Variants in BLTP1 observed in about 807,000 individuals in gnomAD.
BLTP1 encodes bridge-like lipid transfer protein family member 1.
chr4:122,197,168 A>G, the BLTP1 span: 2 of 911,118 alleles, frequency 2.2e-6, no homozygotes, highest in Non-Finnish European at 1.7e-6. Context: ...TTAATGTTTT[A>G]TATGAATTAA....
At chr4:122,252,068 A>G in the BLTP1 span, among the ~76,000 whole-genome samples, 1 of 152,152 alleles carries the variant, frequency 6.6e-6, no homozygotes, top group South Asian at 2.1e-4. Context: ...AACCCACTGC[A>G]TTGAAGGAAA....
chr4:122,292,087 C>T, the BLTP1 span, among the ~76,000 whole-genome samples: 4 of 151,456 alleles, frequency 2.6e-5, no homozygotes, highest in Non-Finnish European at 5.9e-5. Context: ...TCTCCTGCCT[C>T]AGCCTCCCAA....
At chr4:122,184,774 G>A in the BLTP1 span, 1 of 985,286 alleles carries the variant, frequency 1.0e-6, no homozygotes, top group South Asian at 4.7e-5. Flanking sequence ...AGCCACACAT[G>A]AGAAACTGCA....
At chr4:122,187,627 G>T in the BLTP1 span, 1 of 1,073,538 alleles carries the variant, frequency 9.3e-7, no homozygotes, top group Non-Finnish European at 1.3e-6. Flanking sequence ...GTTTTTTTTA[G>T]TTCCCATTTC....
chr4:122,200,984 C>T, the BLTP1 span: 1 of 1,600,620 alleles, frequency 6.2e-7, no homozygotes, highest in Non-Finnish European at 8.5e-7. Flanking sequence ...GCCTTAATTA[C>T]TTTTACCTAA....
At chr4:122,167,569 C>T in the BLTP1 span, 1 of 688,574 alleles carries the variant, frequency 1.5e-6, no homozygotes, top group Non-Finnish European at 1.8e-6. Context: ...CCTCCTGCCC[C>T]TACTGGCCAT....
the BLTP1 span, chr4:122,175,436 ATTG>A: frequency 8.0e-6 from 2 of 249,104 alleles, no homozygotes; most frequent in African/African-American, 4.6e-5. Context: ...GATTTGGCTT[ATTG>A]TTACATAATT....
chr4:122,195,747 T>G, the BLTP1 span: 1 of 531,050 alleles, frequency 1.9e-6, no homozygotes, highest in African/African-American at 2.0e-5. Context: ...CTTAAAACAT[T>G]TGCAGAACTT....
chr4:122,278,640 T>G, the BLTP1 span, among the ~76,000 whole-genome samples: 1 of 152,166 alleles, frequency 6.6e-6, no homozygotes, highest in South Asian at 2.1e-4. Flanking sequence ...TGCCATGACC[T>G]TTGCTTTTGA....
chr4:122,299,629 TA>T, the BLTP1 span: 1 of 175,708 alleles, frequency 5.7e-6, no homozygotes, highest in Non-Finnish European at 1.1e-5. Context: ...AAGCATAATG[TA>T]AGACAGTGGA....
the BLTP1 span, chr4:122,293,244 C>T: frequency 2.3e-4 from 202 of 887,406 alleles, no homozygotes; most frequent in African/African-American, 2.4e-3. Context: ...AAAAGTAGGA[C>T]GGTAGAAGCA....
At chr4:122,275,698 G>A in the BLTP1 span, among the ~76,000 whole-genome samples, 74 of 151,872 alleles carry the variant, frequency 4.9e-4, no homozygotes, top group Admixed American at 1.0e-3. Context: ...TTTCCCCCAA[G>A]TAAAGATCCC....
chr4:122,225,090 T>C, the BLTP1 span: 47 of 851,470 alleles, frequency 5.5e-5, no homozygotes, highest in East Asian at 3.9e-3. Context: ...TAAAGTAGGA[T>C]TTGAAAGTAG....
the BLTP1 span, chr4:122,185,914 T>C: frequency 1.4e-6 from 1 of 735,254 alleles, no homozygotes. Flanking sequence ...TATGCTTCTC[T>C]GTATCATGGA....
the BLTP1 span, chr4:122,185,228 T>G: frequency 1.0e-6 from 1 of 981,550 alleles, no homozygotes; most frequent in South Asian, 4.7e-5. Flanking sequence ...CATAGTTTTC[T>G]AAAACATCTG....
chr4:122,355,553 T>C, the BLTP1 span, among the ~76,000 whole-genome samples: 2 of 148,084 alleles, frequency 1.4e-5, no homozygotes, highest in Non-Finnish European at 3.0e-5. Flanking sequence ...ATACTACATA[T>C]ATATCTATAT....
chr4:122,230,510 G>A, the BLTP1 span, among the ~76,000 whole-genome samples: 1 of 152,112 alleles, frequency 6.6e-6, no homozygotes, highest in Non-Finnish European at 1.5e-5. Context: ...ATAACGTTTT[G>A]TAAAGTACTA....
the BLTP1 span, chr4:122,301,379 C>T: frequency 1.3e-6 from 2 of 1,592,776 alleles, no homozygotes; most frequent in Admixed American, 3.4e-5. Flanking sequence ...TCCTCTATTC[C>T]CTAAACTTGC....
At chr4:122,172,993 T>G in the BLTP1 span, 1 of 1,609,670 alleles carries the variant, frequency 6.2e-7, no homozygotes. Flanking sequence ...CATTACTGTG[T>G]AGAAGTAAAT....
Sources: gnomAD v4.1 joint callset for allele counts (sites outside exome capture counted in the v4.1 genomes callset) on GRCh38, gnomAD v4.1.1 for gene constraint, MANE v1.5 for transcripts, NCBI Gene and HGNC (gene_info 2026-07-23, HGNC 2026-07-21) for gene names.